The following CCDC77 variants were observed in gnomAD, a reference collection of about 807,000 sequenced individuals.
The protein encoded by CCDC77 is coiled-coil domain-containing protein 77.
In CCDC77, 56 loss-of-function variants were observed where a neutral mutation model predicts 66.8. The ratio of observed to expected loss-of-function variants is 0.84; its 90% confidence interval spans 0.68 to 1.05. CCDC77 has a LOEUF of 1.05. Ranked by LOEUF, CCDC77 falls within the 50% of genes least tolerant of loss-of-function variation. CCDC77 has a pLI of 0.00. For synonymous variants in CCDC77, 196 were observed against 195.2 expected, an observed-to-expected ratio of 1.00 and a Z score of -0.03; for missense variants, 570 against 576.8, an observed-to-expected ratio of 0.99 and a Z score of 0.12.
At chr12:413,140 G>A (rs868625186) in intron 4 of CCDC77, among the ~76,000 whole-genome samples, 12 of 151,264 alleles carry the variant, frequency 7.9e-5, no homozygotes, top group Non-Finnish European at 2.9e-5. Context: ...GGGTTTCACC[G>A]TGTTAGCCAG....
intron 4 of CCDC77, among the ~76,000 whole-genome samples, chr12:414,176 C>G (rs747818609): frequency 1.3e-5 from 2 of 151,572 alleles, no homozygotes; most frequent in Non-Finnish European, 2.9e-5. Flanking sequence ...ACTGCAACCC[C>G]TGTCTCCCGG....
intron 4 of CCDC77, among the ~76,000 whole-genome samples, chr12:416,388 T>TGTAG (rs1945278989): frequency 2.6e-5 from 1 of 38,278 alleles, no homozygotes; most frequent in Admixed American, 3.8e-4. Context: ...TATATATATA[T>TGTAG]ATATATATAT....
At chr12:423,512 T>TG (rs1945473696) in intron 5 of CCDC77, among the ~76,000 whole-genome samples, 1 of 122,916 alleles carries the variant, frequency 8.1e-6, no homozygotes, top group African/African-American at 3.2e-5. Context: ...TTTTTTTTTT[T>TG]TGAGACAGGG....
intron 1 of CCDC77, among the ~76,000 whole-genome samples, chr12:404,392 A>G (rs1388930843): frequency 6.6e-6 from 1 of 152,222 alleles, no homozygotes; most frequent in African/African-American, 2.4e-5. Context: ...TATTGGATGG[A>G]GGAGGATAGA....
Position 411,997 on chromosome 12 carries a change from T to C in CCDC77, c.270+19T>C. On this transcript the variant is annotated intron_variant, in intron 4 of 12. Coordinates refer to ENST00000239830, the MANE Select transcript of CCDC77 (RefSeq NM_032358.4). ...AGGACAGGTAAAGAAACGATGCTGCTGCTTTAGAACTCTGATGGAGTCTTC... is the reference window on the plus strand; with the variant it reads ...AGGACAGGTAAAGAAACGATGCTGCCGCTTTAGAACTCTGATGGAGTCTTC... 1 of 1,574,108 alleles carries C rather than the reference T, an allele frequency of 6.4e-7. No individual in the cohort carries two copies. The highest frequency in any genetic ancestry group is 8.7e-7 in the Non-Finnish European group (1 of 1,145,262).
At chr12:397,771 C>A (rs1454901018), upstream of CCDC77, among the ~76,000 whole-genome samples, 1 of 151,946 alleles carries the variant, frequency 6.6e-6, no homozygotes. Context: ...CTCAGCCTCC[C>A]GAGCAGCTGG....
At position 433,290 on chromosome 12, in the gene CCDC77, A is replaced by G. The variant is rs1029388855; in HGVS notation, c.789A>G (p.Arg263=). ...AGGAAATACAAGTTCAGCACCAGAG[A>G]AATCAGAACAAAATCAAAGAGCTAA... is the stretch of plus-strand genomic sequence containing the variant. ...HLEEIQVQHQ[R]NQNKIKELTK... is the part of the protein sequence containing the mutation. Residue 263 remains arginine, a synonymous_variant, in exon 9 of 13, where the codon AGA becomes AGG. Coordinates refer to ENST00000239830, the MANE Select transcript of CCDC77 (RefSeq NM_032358.4). The G allele has an allele frequency of 2.5e-6, 4 of 1,613,944 alleles. No individual in the cohort carries two copies. The African/African-American group carries it at 5.3e-5, about 22-fold the overall frequency.
At chr12:409,276 T>C (rs1279808514) in intron 2 of CCDC77, 92 bp from the exon 3 acceptor site, 1 of 824,426 alleles carries the variant, frequency 1.2e-6, no homozygotes, top group Admixed American at 2.3e-5. Context: ...GAAGCAAATA[T>C]GATGATGTTG....
intron 5 of CCDC77, 58 bp from the exon 6 acceptor site, chr12:428,711 A>G (rs990234262): frequency 1.8e-5 from 21 of 1,190,178 alleles, no homozygotes; most frequent in Non-Finnish European, 2.4e-5. Context: ...TTAAACAGAA[A>G]AAGGTTACTT....
chr12:401,981 C>T (rs1263161677), intron 1 of CCDC77, among the ~76,000 whole-genome samples: 1 of 152,108 alleles, frequency 6.6e-6, no homozygotes, highest in Non-Finnish European at 1.5e-5. Flanking sequence ...GTACTCTAAC[C>T]CCACGCTGGT....
chr12:418,007 C>T (rs998031731), intron 4 of CCDC77, among the ~76,000 whole-genome samples: 21 of 152,110 alleles, frequency 1.4e-4, no homozygotes, highest in Admixed American at 7.9e-4. Context: ...AAACTTCACA[C>T]TCATCCTGTA....
In CCDC77 at chr12:418,548, A is replaced by G. The variant is rs764569150; in HGVS notation, c.325A>G (p.Lys109Glu). The change falls in exon 5 of 13, where the codon AAA becomes GAA. Residue 109 changes from lysine (K) to glutamate (E), a missense_variant. Coordinates refer to ENST00000239830, the MANE Select transcript of CCDC77 (RefSeq NM_032358.4). ...GGAGGAAGAGATTGCTGAATTGCAG[A>G]AAGCTCTAAGTGATATGCAGGTCTG... ...QREEEIAELQKALSDMQVCLF... is the reference protein window; with the variant it reads ...QREEEIAELQEALSDMQVCLF... The G allele has an allele frequency of 1.7e-5, 27 of 1,613,862 alleles. No individual in the cohort carries two copies. Among genetic ancestry groups the G allele is most frequent in the Non-Finnish European group, 8.5e-7 (1 of 1,179,826 alleles).
intron 7 of CCDC77, among the ~76,000 whole-genome samples, chr12:431,066 C>CAAAAAAAAAAAAAAAAAACAA (rs1945640284): frequency 9.5e-6 from 1 of 105,608 alleles, no homozygotes; most frequent in Non-Finnish European, 1.8e-5. Context: ...AGACTATCTC[C>CAAAAAAAAAAAAAAAAAACAA]AAAAAAAAAA....
intron 5 of CCDC77, among the ~76,000 whole-genome samples, chr12:423,595 A>T (rs190500662): frequency 5.8e-4 from 86 of 147,412 alleles, no homozygotes; most frequent in African/African-American, 2.1e-3. Context: ...TCCCAGGCTC[A>T]GATGATCCCC....
Position 428,381 on chromosome 12 carries a change from G to C in CCDC77, c.414-388G>C, listed in dbSNP as rs187452742. ...CAAAAATTAGCCGGGCATAGTGGCG[G>C]GCGCCTGTAGTCCCAGGTGCTCGGG... On this transcript the variant is annotated intron_variant, in intron 5 of 12. Coordinates refer to ENST00000239830, the MANE Select transcript of CCDC77 (RefSeq NM_032358.4). Among the ~76,000 whole-genome samples, 263 of 151,684 alleles carry C rather than the reference G, an allele frequency of 1.7e-3. 4 individuals carry two copies. The East Asian group carries it at 0.047, about 27-fold the overall frequency.
upstream of CCDC77, among the ~76,000 whole-genome samples, chr12:396,743 G>C (rs1447977579): frequency 6.6e-6 from 1 of 152,198 alleles, no homozygotes; most frequent in Non-Finnish European, 1.5e-5. Flanking sequence ...GTGAACTGAA[G>C]CTGGAAAGTG....
Position 415,292 on chromosome 12 carries a change from A to AT in CCDC77, c.271-3201dup, listed in dbSNP as rs1210220363. Among the ~76,000 whole-genome samples the AT allele has an allele frequency of 6.4e-4, 82 of 127,770 alleles. 7 individuals are homozygous for AT. The East Asian group carries it at 8.6e-3, about 13-fold the overall frequency. The allele number at this position is 127,770 out of a possible 152,430, so 83.8% of individuals were successfully genotyped here. A position where few individuals can be genotyped will look rare whatever the true frequency, so the allele number is the denominator to read the frequency against. On this transcript the variant is annotated intron_variant, in intron 4 of 12. Coordinates refer to ENST00000239830, the MANE Select transcript of CCDC77 (RefSeq NM_032358.4). ...TAATTATTAACATAATATTATGTTA[A>AT]TATAATCAACATAATATTATGTTAA...
At chr12:413,553 T>TA (rs760466053) in intron 4 of CCDC77, among the ~76,000 whole-genome samples, 1 of 151,554 alleles carries the variant, frequency 6.6e-6, no homozygotes, top group Non-Finnish European at 1.5e-5. Context: ...TAGCTACTCT[T>TA]TTTATATAAA....
intron 1 of CCDC77, among the ~76,000 whole-genome samples, chr12:394,573 T>C (rs1179324507): frequency 6.6e-6 from 1 of 152,242 alleles, no homozygotes; most frequent in Non-Finnish European, 1.5e-5. Context: ...TGCTCTTGTT[T>C]AGGCCCTTTC....
Sources: gnomAD v4.1 joint callset for allele counts (sites outside exome capture counted in the v4.1 genomes callset) on GRCh38, gnomAD v4.1.1 for gene constraint, MANE v1.5 for transcripts, NCBI Gene and HGNC (gene_info 2026-07-23, HGNC 2026-07-21) for gene names.